Variants in ZFHX3 observed in about 807,000 individuals in gnomAD.
ZFHX3 encodes zinc finger homeobox protein 3.
ZFHX3 carries 42 observed loss-of-function variants against 279.1 expected under a neutral mutation model. The observed-to-expected ratio is 0.15, with a 90% CI of 0.12 to 0.19. The LOEUF is 0.19. Ranked by LOEUF, ZFHX3 falls within the 10% of genes least tolerant of loss-of-function variation. ZFHX3 has a pLI of 1.00. For synonymous variants in ZFHX3, 2,293 were observed against 1,957.8 expected, an observed-to-expected ratio of 1.17 and a Z score of -4.52; for missense variants, 4,981 against 4,754.0, an observed-to-expected ratio of 1.05 and a Z score of -1.40.
At chr16:72,938,587 T>C (rs563621838) in intron 3 of ZFHX3, among the ~76,000 whole-genome samples, 12 of 152,268 alleles carry the variant, frequency 7.9e-5, no homozygotes, top group South Asian at 2.1e-4. Context: ...CAGGGAGGAA[T>C]AGCCATCCAC....
At chr16:73,738,790 C>T (rs1183202511) in intron 1 of ZFHX3, among the ~76,000 whole-genome samples, 1 of 152,126 alleles carries the variant, frequency 6.6e-6, no homozygotes, top group Non-Finnish European at 1.5e-5. Context: ...TTCATTCCTG[C>T]CCCCTTCTCT....
intron 4 of ZFHX3, among the ~76,000 whole-genome samples, chr16:72,856,137 A>G (rs778590157): frequency 6.6e-6 from 1 of 152,254 alleles, no homozygotes; most frequent in Non-Finnish European, 1.5e-5. Flanking sequence ...ATGAGTGTTT[A>G]GAGCTCTGGC....
At chr16:73,885,893 C>T (rs962817106) in intron 1 of ZFHX3, among the ~76,000 whole-genome samples, 4 of 152,276 alleles carry the variant, frequency 2.6e-5, no homozygotes, top group Non-Finnish European at 4.4e-5. Context: ...TAAGTACCCC[C>T]CTGACTGAGG....
At chr16:73,227,950 T>C (rs921537989) in intron 5 of ZFHX3, among the ~76,000 whole-genome samples, 5 of 150,408 alleles carry the variant, frequency 3.3e-5, no homozygotes, top group African/African-American at 9.8e-5. Context: ...ATAGACTCTA[T>C]ACTAAGCAAC....
intron 4 of ZFHX3, among the ~76,000 whole-genome samples, chr16:72,858,519 G>T (rs1017555699): frequency 2.0e-5 from 3 of 152,178 alleles, no homozygotes; most frequent in African/African-American, 7.2e-5. Context: ...AATGGATCTG[G>T]TGCTTTTATA....
chr16:73,088,048 G>A (rs1282093681), intron 8 of ZFHX3, among the ~76,000 whole-genome samples: 1 of 151,884 alleles, frequency 6.6e-6, no homozygotes, highest in East Asian at 1.9e-4. Context: ...GGCTGGTCTC[G>A]AACTCCTGAC....
At chr16:72,882,172 C>CTT (rs11298791) in intron 4 of ZFHX3, among the ~76,000 whole-genome samples, 1,295 of 103,776 alleles carry the variant, frequency 0.012, 17 homozygotes, top group South Asian at 0.06. Context: ...CCCCTTTTTC[C>CTT]TTTTTTTTTT....
intron 2 of ZFHX3, among the ~76,000 whole-genome samples, chr16:73,636,913 T>C (rs955478199): frequency 6.6e-6 from 1 of 152,104 alleles, no homozygotes; most frequent in Non-Finnish European, 1.5e-5. Flanking sequence ...AATAAAATGA[T>C]TTTAAAGCTT....
intron 1 of ZFHX3, among the ~76,000 whole-genome samples, chr16:73,856,287 A>G (rs1961725306): frequency 1.3e-5 from 2 of 152,202 alleles, no homozygotes; most frequent in Non-Finnish European, 2.9e-5. Context: ...TACACTAAGC[A>G]TGTCTCACCT....
At chr16:72,877,274 C>A (rs1245033771) in intron 4 of ZFHX3, among the ~76,000 whole-genome samples, 6 of 152,142 alleles carry the variant, frequency 3.9e-5, no homozygotes, top group African/African-American at 1.4e-4. Flanking sequence ...AGGTCATCAG[C>A]CCTCAAGAAT....
intron 2 of ZFHX3, among the ~76,000 whole-genome samples, chr16:73,599,634 C>G (rs750234381): frequency 2.0e-5 from 3 of 152,120 alleles, no homozygotes; most frequent in Non-Finnish European, 4.4e-5. Context: ...ACCACTGCTT[C>G]CCTCCATTAG....
chr16:73,772,644 A>G (rs1011540931), intron 1 of ZFHX3, among the ~76,000 whole-genome samples: 10 of 152,064 alleles, frequency 6.6e-5, no homozygotes, highest in Admixed American at 6.5e-5. Context: ...GGCTGTTTGA[A>G]TCCCTGCCTG....
At chr16:73,817,546 G>T (rs328346) in intron 1 of ZFHX3, among the ~76,000 whole-genome samples, 70,391 of 151,992 alleles carry the variant, frequency 0.46, 17,905 homozygotes, top group African/African-American at 0.7. Context: ...AGAGAGATTG[G>T]GAAGTTCAAG....
intron 2 of ZFHX3, among the ~76,000 whole-genome samples, chr16:73,541,724 G>A (rs757108544): frequency 6.8e-5 from 10 of 147,920 alleles, no homozygotes; most frequent in East Asian, 4.1e-4. Flanking sequence ...GAGTGCAGTC[G>A]CCATTCCTCC....
In ZFHX3 at chr16:73,183,761, T is replaced by A. The variant is rs530393348; in HGVS notation, c.-1103-39930A>T. 2.0e-5 allele frequency among the ~76,000 whole-genome samples: 3 copies of A among 152,290 alleles called. No individual in the cohort carries two copies. In the East Asian group the frequency reaches 5.8e-4, roughly 30 times the overall value. ...GAATGGTTTCCAGGGTGCGTCCTTA[T>A]CTGTGAGCGGAAGTGCGTTTTGGAG... On this transcript the variant is annotated intron_variant, in intron 5 of 17. Transcript: ENST00000641206.
intron 4 of ZFHX3, among the ~76,000 whole-genome samples, chr16:73,299,750 G>A (rs2143127634): frequency 6.6e-6 from 1 of 152,266 alleles, no homozygotes; most frequent in East Asian, 1.9e-4. Flanking sequence ...GCAAATCATA[G>A]GGCCTACCAT....
chr16:73,045,759 C>T (rs1394887590), intron 1 of ZFHX3, among the ~76,000 whole-genome samples: 1 of 136,144 alleles, frequency 7.3e-6, no homozygotes, highest in African/African-American at 2.8e-5. Flanking sequence ...AAAACAGTAG[C>T]TCTATTTCAT....
At chr16:73,600,350 T>C (rs1177645589) in intron 2 of ZFHX3, among the ~76,000 whole-genome samples, 3 of 152,072 alleles carry the variant, frequency 2.0e-5, no homozygotes, top group African/African-American at 7.2e-5. Flanking sequence ...CCCATTCTGT[T>C]GCTCCTTGTC....
chr16:73,873,201 GGTGGGTGGTA>G (rs2029872427), intron 1 of ZFHX3, among the ~76,000 whole-genome samples: 1 of 96,412 alleles, frequency 1.0e-5, no homozygotes, highest in South Asian at 4.4e-4. Flanking sequence ...GGTGGGTGGT[GGTGGGTGGTA>G]GTGGGTGGTG....
Sources: allele counts gnomAD v4.1 joint callset (sites outside exome capture counted in the v4.1 genomes callset), GRCh38; gene constraint gnomAD v4.1.1; transcripts MANE v1.5; gene names NCBI Gene and HGNC (gene_info 2026-07-23, HGNC 2026-07-21).